The following CABP4 variants were observed in gnomAD, a reference collection of about 807,000 sequenced individuals.
CABP4 encodes calcium binding protein 4.
A neutral mutation model predicts 30.7 loss-of-function variants in CABP4; 30 were observed. The ratio of observed to expected loss-of-function variants is 0.98; its 90% CI spans 0.73 to 1.33. CABP4 has a LOEUF of 1.33. Ranked by LOEUF, CABP4 falls within the 40% of genes most tolerant of loss-of-function variation. The pLI is 0.00. For missense variants in CABP4, 424 were observed against 395.5 expected, an observed-to-expected ratio of 1.07 and a Z score of -0.61; for synonymous variants, 161 against 159.2, an observed-to-expected ratio of 1.01 and a Z score of -0.08.
chr11:67,452,811 G>T, upstream of CABP4: 2 of 1,060,292 alleles, frequency 1.9e-6, no homozygotes, highest in Non-Finnish European at 2.7e-6. Flanking sequence ...GAGAGACGGT[G>T]CTGTGCATCT....
chr11:67,455,022 G>T (rs905987311), upstream of CABP4, among the ~76,000 whole-genome samples: 5 of 152,214 alleles, frequency 3.3e-5, no homozygotes, highest in African/African-American at 7.2e-5. Context: ...CCTAACGAAG[G>T]CCTCTGCCCA....
At chr11:67,454,731 T>C (rs1454258771), upstream of CABP4, among the ~76,000 whole-genome samples, 2 of 152,144 alleles carry the variant, frequency 1.3e-5, no homozygotes, top group Non-Finnish European at 2.9e-5. Flanking sequence ...CCAGCCCTGA[T>C]GGGCCTGGAC....
chr11:67,456,274 TG>T, intron 2 of CABP4, 24 bp from the exon 3 acceptor site: 1 of 1,613,702 alleles, frequency 6.2e-7, no homozygotes. Context: ...CCTGGCCACC[TG>T]GGCTTGACCT....
At chr11:67,455,816 G>T in intron 1 of CABP4, 27 bp downstream of exon 1, 1 of 1,552,226 alleles carries the variant, frequency 6.4e-7, no homozygotes, top group Non-Finnish European at 8.7e-7. Flanking sequence ...ATTGGGCTGG[G>T]GGTCCTGGGG....
rs1251006534 is a variant in CABP4 at position 67,459,499 on chromosome 11, C to G, written c.*840C>G. The G allele has an allele frequency of 6.6e-6, 1 of 152,236 alleles. No individual in the cohort carries two copies. Among genetic ancestry groups the G allele is most frequent in the African/African-American group, 2.4e-5 (1 of 41,456 alleles). 9.4% of individuals were successfully genotyped at this position (152,236 alleles called of 1,614,324 possible). Reference sequence around the variant, plus strand: ...TGCACTGACCAGTCATAGAAAGTGGCAAGGATACAGATGTTCAGGGCCCAG... The same window carrying G: ...TGCACTGACCAGTCATAGAAAGTGGGAAGGATACAGATGTTCAGGGCCCAG... On this transcript the variant is annotated 3_prime_UTR_variant, in exon 6 of 6. Coordinates refer to ENST00000325656, the MANE Select transcript of CABP4 (RefSeq NM_145200.5).
At position 67,459,627 on chromosome 11, in the gene CABP4, C is replaced by G. The variant is rs952991190; in HGVS notation, c.*968C>G. 6.6e-6 allele frequency: 1 copy of G among 152,192 alleles called. No homozygotes were observed. Among genetic ancestry groups the G allele is most frequent in the African/African-American group, 2.4e-5 (1 of 41,434 alleles). The allele number at this position is 152,192 out of a possible 1,614,324, so 9.4% of individuals were successfully genotyped here. On this transcript the variant is annotated 3_prime_UTR_variant, in exon 6 of 6. Transcript: ENST00000325656. ...GTGAAAAACTGGAAAAAAACCCTGCCGCTCCCAAAGGGGAACTTGTGATAA... is the reference window on the plus strand; with the variant it reads ...GTGAAAAACTGGAAAAAAACCCTGCGGCTCCCAAAGGGGAACTTGTGATAA...
At position 67,459,292 on chromosome 11, in the gene CABP4, G is replaced by T. The variant is rs973423917; in HGVS notation, c.*633G>T. The T allele has an allele frequency of 1.3e-5, 2 of 154,088 alleles. No individual in the cohort carries two copies. The highest frequency in any genetic ancestry group is 2.4e-5 in the African/African-American group (1 of 41,468). The allele number at this position is 154,088 out of a possible 1,614,324, so 9.5% of individuals were successfully genotyped here. On this transcript the variant is annotated 3_prime_UTR_variant, in exon 6 of 6. Transcript: ENST00000325656. ...GATGGCTCCATGTATCAAAGACAAA[G>T]AAATCAAAGCTGGGGTTGTAAGAGG...
At chr11:67,452,703 C>A, upstream of CABP4, 1 of 1,581,584 alleles carries the variant, frequency 6.3e-7, no homozygotes, top group Non-Finnish European at 8.6e-7. Flanking sequence ...GCACCCAGGT[C>A]AGCTTCCATG....
intron 3 of CABP4, 107 bp from the exon 4 acceptor site, chr11:67,457,466 T>A: frequency 1.1e-6 from 1 of 941,826 alleles, no homozygotes. Flanking sequence ...GGGTGTTTCT[T>A]CCTAGGTGCA....
chr11:67,455,403 G>A lies in CABP4; in HGVS notation c.-21G>A. The A allele has an allele frequency of 6.3e-7, 1 of 1,597,896 alleles. No homozygotes were observed. Among genetic ancestry groups the A allele is most frequent in the South Asian group, 1.1e-5 (1 of 89,590 alleles). Reference sequence around the variant, plus strand: ...GGGTGCCCAGGGGTGTGGTGTCTCTGAGCCCTGTTATCCCTCCCCCATGAC... The same window carrying A: ...GGGTGCCCAGGGGTGTGGTGTCTCTAAGCCCTGTTATCCCTCCCCCATGAC... On this transcript the variant is annotated 5_prime_UTR_variant, in exon 1 of 6. An upstream open reading frame in the 5' UTR loses its in-frame stop. Transcript: ENST00000325656.
chr11:67,458,686 C>A lies in CABP4; in HGVS notation c.*27C>A, dbSNP rs1565163996. 1.2e-6 allele frequency: 2 copies of A among 1,613,538 alleles called. No individual in the cohort carries two copies. Among genetic ancestry groups the A allele is most frequent in the East Asian group, 2.2e-5 (1 of 44,892 alleles). On this transcript the variant is annotated 3_prime_UTR_variant, in exon 6 of 6. Transcript: ENST00000325656. ...GCTCCAGGAGGGAATATCTGTTGCC[C>A]CTGCGGCCCCAGACACCAGCCAGAC...
upstream of CABP4, among the ~76,000 whole-genome samples, chr11:67,454,109 C>G (rs1864670431): frequency 6.6e-6 from 1 of 152,142 alleles, no homozygotes; most frequent in African/African-American, 2.4e-5. Flanking sequence ...TCTCCTGGAG[C>G]TGCTAAAGAG....
At chr11:67,457,838 C>T (rs1864875660) in intron 4 of CABP4, among the ~76,000 whole-genome samples, 156 bp downstream of exon 4, 1 of 152,154 alleles carries the variant, frequency 6.6e-6, no homozygotes, top group Non-Finnish European at 1.5e-5. Flanking sequence ...TCACTACCAG[C>T]TAGAGGATCC....
In CABP4 at chr11:67,459,798, A is replaced by C. The variant is rs1864954076; in HGVS notation, c.*1139A>C. Reference sequence around the variant, plus strand: ...AAACCCCATCTCTACTAAAAATACAAAAATTAACTGGGCGAGGTAGCATGC... The same window carrying C: ...AAACCCCATCTCTACTAAAAATACACAAATTAACTGGGCGAGGTAGCATGC... On this transcript the variant is annotated 3_prime_UTR_variant, in exon 6 of 6. Transcript: ENST00000325656. 1 of 152,164 alleles carries C rather than the reference A, an allele frequency of 6.6e-6. No homozygotes were observed. 9.4% of individuals were successfully genotyped at this position (152,164 alleles called of 1,614,324 possible). A position where few individuals can be genotyped will look rare whatever the true frequency, so the allele number is the denominator to read the frequency against.
chr11:67,456,145 G>A (rs1165691774), intron 1 of CABP4, 43 bp from the exon 2 acceptor site: 1 of 1,612,988 alleles, frequency 6.2e-7, no homozygotes, highest in Non-Finnish European at 8.5e-7. Context: ...GGATGACAGA[G>A]CCGTGGCTGG....
rs1864959772 is a variant in CABP4 at position 67,459,990 on chromosome 11, A to T, written c.*1331A>T. 1 of 152,252 alleles carries T rather than the reference A, an allele frequency of 6.6e-6. No homozygotes were observed. The highest frequency in any genetic ancestry group is 2.4e-5 in the African/African-American group (1 of 41,446). The allele number at this position is 152,252 out of a possible 1,614,324, so 9.4% of individuals were successfully genotyped here. A position where few individuals can be genotyped will look rare whatever the true frequency, so the allele number is the denominator to read the frequency against. On this transcript the variant is annotated 3_prime_UTR_variant, in exon 6 of 6. Transcript: ENST00000325656. Reference sequence around the variant, plus strand: ...AACCATACTGATTATAAAAGTAAAGAAACCACCATGAAGGAGACGAGACAG... The same window carrying T: ...AACCATACTGATTATAAAAGTAAAGTAACCACCATGAAGGAGACGAGACAG...
chr11:67,457,422 G>T lies in CABP4; in HGVS notation c.542-151G>T, dbSNP rs1864851552. 9.9e-6 allele frequency: 7 copies of T among 707,694 alleles called. No homozygotes were observed. The East Asian group carries it at 1.9e-4, about 19-fold the overall frequency. 43.8% of individuals were successfully genotyped at this position (707,694 alleles called of 1,614,324 possible). A position where few individuals can be genotyped will look rare whatever the true frequency, so the allele number is the denominator to read the frequency against. On this transcript the variant is annotated intron_variant, in intron 3 of 5. Coordinates refer to ENST00000325656, the MANE Select transcript of CABP4 (RefSeq NM_145200.5). Reference sequence around the variant, plus strand: ...GGTACCCCAGCAGCCAAGGACGGGGGTTCCAGCCTCCTATCTGCTGCAGGC... The same window carrying T: ...GGTACCCCAGCAGCCAAGGACGGGGTTTCCAGCCTCCTATCTGCTGCAGGC...
upstream of CABP4, among the ~76,000 whole-genome samples, chr11:67,454,599 C>A (rs1864689663): frequency 6.6e-6 from 1 of 152,216 alleles, no homozygotes. Flanking sequence ...TGGCACCCGG[C>A]AGCGCTAAGG....
At chr11:67,458,603 A>C (rs777098471) in intron 5 of CABP4, 28 bp from the exon 6 acceptor site, 4 of 1,613,838 alleles carry the variant, frequency 2.5e-6, no homozygotes, top group Non-Finnish European at 3.4e-6. Flanking sequence ...ACGTGGACTG[A>C]CCCAAGCCCT....
Sources: gnomAD v4.1 joint callset for allele counts (sites outside exome capture counted in the v4.1 genomes callset) on GRCh38, gnomAD v4.1.1 for gene constraint, MANE v1.5 for transcripts, NCBI Gene and HGNC (gene_info 2026-07-23, HGNC 2026-07-21) for gene names.